Variants in MAF observed in about 807,000 individuals in gnomAD.
The protein encoded by MAF is MAF bZIP transcription factor, also known as transcription factor Maf.
A neutral mutation model predicts 22.0 loss-of-function variants in MAF; 10 were observed. The observed-to-expected ratio is 0.45, with a 90% CI of 0.28 to 0.77. The LOEUF (loss-of-function observed/expected upper bound fraction) is 0.77, where lower values mean the gene tolerates loss of function less well. Among genes scored for constraint, MAF ranks in the 30% least tolerant of loss-of-function variants. The pLI, the probability that MAF is intolerant of heterozygous loss-of-function variation, is 0.12. For synonymous variants in MAF, 337 were observed against 255.8 expected (o/e 1.32, Z -3.03); for missense variants, 544 against 548.4 (o/e 0.99, Z 0.08).
At chr16:79,442,375 A>AT in the MAF span, among the ~76,000 whole-genome samples, 15,084 of 151,752 alleles carry the variant, frequency 0.099, 949 homozygotes, top group Non-Finnish European at 0.14. Flanking sequence ...TTATTTATTT[A>AT]TTTATTTTAT....
the MAF span, among the ~76,000 whole-genome samples, chr16:79,480,982 C>T: frequency 1.3e-5 from 2 of 152,162 alleles, no homozygotes; most frequent in Admixed American, 1.3e-4. Context: ...ACCCCCAACT[C>T]CACGTCCCCT....
the MAF span, among the ~76,000 whole-genome samples, chr16:79,315,740 A>G: frequency 3.9e-5 from 6 of 152,252 alleles, no homozygotes; most frequent in Non-Finnish European, 7.3e-5. Flanking sequence ...GCAGAGAAGT[A>G]AAAAGTTATT....
the MAF span, chr16:79,264,619 T>G: frequency 6.6e-6 from 1 of 152,142 alleles, no homozygotes; most frequent in Non-Finnish European, 1.5e-5. Context: ...TTTTGCTGAG[T>G]CAGACAAAAG....
the MAF span, among the ~76,000 whole-genome samples, chr16:79,363,326 T>C: frequency 2.6e-5 from 4 of 152,198 alleles, no homozygotes; most frequent in South Asian, 4.1e-4. Flanking sequence ...GTTGAATATA[T>C]AGTGAGTCAC....
chr16:79,412,933 AG>A, the MAF span, among the ~76,000 whole-genome samples: 1 of 152,226 alleles, frequency 6.6e-6, no homozygotes, highest in African/African-American at 2.4e-5. Flanking sequence ...GTATGTAAAT[AG>A]GGGATTATCA....
At chr16:79,407,440 C>T in the MAF span, among the ~76,000 whole-genome samples, 1 of 152,102 alleles carries the variant, frequency 6.6e-6, no homozygotes, top group South Asian at 2.1e-4. Flanking sequence ...TGTTACAAGC[C>T]CTTTGAAAGT....
At chr16:79,476,114 T>A in the MAF span, among the ~76,000 whole-genome samples, 1 of 152,162 alleles carries the variant, frequency 6.6e-6, no homozygotes, top group African/African-American at 2.4e-5. Flanking sequence ...AGCAGAAACT[T>A]TCTCTTGCTG....
At chr16:79,491,639 G>A in the MAF span, among the ~76,000 whole-genome samples, 2 of 152,170 alleles carry the variant, frequency 1.3e-5, no homozygotes, top group African/African-American at 2.4e-5. Context: ...AGAATGCCCA[G>A]CGACTAACAT....
At chr16:79,519,350 C>A in the MAF span, among the ~76,000 whole-genome samples, 8,386 of 152,236 alleles carry the variant, frequency 0.055, 776 homozygotes, top group African/African-American at 0.19. Context: ...AATTGCAACT[C>A]CCAGAGGTTA....
the MAF span, among the ~76,000 whole-genome samples, chr16:79,493,896 T>G: frequency 6.6e-6 from 1 of 151,104 alleles, no homozygotes; most frequent in Non-Finnish European, 1.5e-5. Context: ...GGATGTGTAT[T>G]CATGGAACTG....
At chr16:79,480,986 G>T in the MAF span, among the ~76,000 whole-genome samples, 7 of 152,090 alleles carry the variant, frequency 4.6e-5, no homozygotes, top group East Asian at 1.4e-3. Context: ...CCAACTCCAC[G>T]TCCCCTCGCT....
At chr16:79,384,869 C>T in the MAF span, among the ~76,000 whole-genome samples, 53 of 152,330 alleles carry the variant, frequency 3.5e-4, no homozygotes, top group South Asian at 0.011. Context: ...AGTTGTTCGT[C>T]AATGACAGTA....
chr16:79,225,979 C>A, the MAF span, among the ~76,000 whole-genome samples: 1 of 152,148 alleles, frequency 6.6e-6, no homozygotes, highest in Non-Finnish European at 1.5e-5. Context: ...GGCAATTCCT[C>A]AAGGATCTAG....
chr16:79,307,051 G>A, the MAF span, among the ~76,000 whole-genome samples: 8 of 152,136 alleles, frequency 5.3e-5, no homozygotes, highest in African/African-American at 1.2e-4. Flanking sequence ...CCTGCCATCC[G>A]AAGGGTATGT....
the MAF span, among the ~76,000 whole-genome samples, chr16:79,541,633 T>C: frequency 6.6e-6 from 1 of 151,974 alleles, no homozygotes; most frequent in Non-Finnish European, 1.5e-5. Context: ...AGGGCCCTTG[T>C]TACCAGCTAA....
chr16:79,324,652 T>C, the MAF span, among the ~76,000 whole-genome samples: 2 of 152,120 alleles, frequency 1.3e-5, no homozygotes, highest in African/African-American at 4.8e-5. Context: ...GATGCAAAGT[T>C]CTGTGCAGGG....
At chr16:79,462,326 G>C in the MAF span, among the ~76,000 whole-genome samples, 1 of 152,190 alleles carries the variant, frequency 6.6e-6, no homozygotes, top group Non-Finnish European at 1.5e-5. Flanking sequence ...AACAGGATGA[G>C]TAACCTACTT....
the MAF span, among the ~76,000 whole-genome samples, chr16:79,328,178 C>A: frequency 6.6e-6 from 1 of 152,136 alleles, no homozygotes; most frequent in African/African-American, 2.4e-5. Flanking sequence ...TATATTGCCG[C>A]CCTGGGAGTC....
the MAF span, among the ~76,000 whole-genome samples, chr16:79,424,770 T>C: frequency 1.3e-5 from 2 of 152,180 alleles, no homozygotes; most frequent in Non-Finnish European, 2.9e-5. Flanking sequence ...CTGTTGTTGG[T>C]TCTATCCTGA....
Sources: allele counts gnomAD v4.1 joint callset (sites outside exome capture counted in the v4.1 genomes callset), GRCh38; gene constraint gnomAD v4.1.1; transcripts MANE v1.5; gene names NCBI Gene and HGNC (gene_info 2026-07-23, HGNC 2026-07-21).